DGKB: variants seen among roughly 807,000 people sequenced by gnomAD.
The protein encoded by DGKB is diacylglycerol kinase beta, also known as 90 kDa diacylglycerol kinase.
Under a neutral mutation model 114.3 loss-of-function variants are expected in DGKB, and 67 were observed. The ratio of observed to expected loss-of-function variants is 0.59; its 90% CI spans 0.48 to 0.72. DGKB has a LOEUF of 0.72. DGKB is among the 30% of genes least tolerant of loss of function. The pLI is 0.00. For missense variants in DGKB, 907 were observed against 975.2 expected (o/e 0.93, Z 0.93); for synonymous variants, 398 against 323.1 (o/e 1.23, Z -2.49).
In DGKB at chr7:14,356,352, CTTTTTTTTT is replaced by C. The variant is rs997102742; in HGVS notation, c.1836-10970_1836-10962del. ...TTTGTTTGCTCTTGCTTCTCTAGTT[CTTTTTTTTT>C]TTTTTTTTTTTTTTTTTTGAGACGG... On this transcript the variant is annotated intron_variant, in intron 21 of 25. Coordinates refer to ENST00000402815, the MANE Select transcript of DGKB (RefSeq NM_001350709.2). 1.3e-4 allele frequency among the ~76,000 whole-genome samples: 10 copies of C among 77,220 alleles called. No homozygotes were observed. In the South Asian group the frequency reaches 3.1e-3, roughly 24 times the overall value. 50.7% of individuals were successfully genotyped at this position (77,220 alleles called of 152,430 possible).
At chr7:14,271,060 G>A (rs941838429) in intron 23 of DGKB, among the ~76,000 whole-genome samples, 1 of 152,178 alleles carries the variant, frequency 6.6e-6, no homozygotes, top group South Asian at 2.1e-4. Flanking sequence ...GGAGAACAGA[G>A]TTCTACAGAA....
intron 17 of DGKB, among the ~76,000 whole-genome samples, chr7:14,601,427 C>T (rs1034493481): frequency 6.6e-6 from 1 of 152,122 alleles, no homozygotes; most frequent in Non-Finnish European, 1.5e-5. Context: ...ATTCTAGATT[C>T]CTTCTAGACA....
chr7:14,245,132 T>C (rs1466477216), intron 23 of DGKB, among the ~76,000 whole-genome samples: 1 of 151,822 alleles, frequency 6.6e-6, no homozygotes, highest in African/African-American at 2.4e-5. Context: ...GCCTCCAGAT[T>C]TACTGTATAT....
intron 25 of DGKB, among the ~76,000 whole-genome samples, chr7:14,160,513 A>G (rs1051367277): frequency 1.3e-5 from 2 of 152,178 alleles, no homozygotes; most frequent in Admixed American, 6.6e-5. Context: ...CCTATTGGCA[A>G]TTGCTACAAA....
At chr7:14,330,963 A>G (rs552870017) in intron 23 of DGKB, among the ~76,000 whole-genome samples, 2 of 151,988 alleles carry the variant, frequency 1.3e-5, no homozygotes, top group African/African-American at 2.4e-5. Flanking sequence ...CTAACTTTTT[A>G]TTACTTTTTA....
chr7:14,972,546 T>C lies in DGKB; in HGVS notation c.-188+2150A>G, dbSNP rs370212031. On this transcript the variant is annotated intron_variant, in intron 1 of 4. Transcript: ENST00000437998. ...AAATTTAAAACATTAGATGAAGGAGTAATCATCACATTGAAGTGATGAATT... is the reference window on the plus strand; with the variant it reads ...AAATTTAAAACATTAGATGAAGGAGCAATCATCACATTGAAGTGATGAATT... 3.0e-4 allele frequency among the ~76,000 whole-genome samples: 46 copies of C among 152,058 alleles called. No homozygotes were observed. In the South Asian group the frequency reaches 7.5e-3, roughly 25 times the overall value.
intron 21 of DGKB, among the ~76,000 whole-genome samples, chr7:14,410,917 C>T (rs903913274): frequency 3.3e-5 from 5 of 152,068 alleles, no homozygotes; most frequent in African/African-American, 4.8e-5. Flanking sequence ...AACCTATGCT[C>T]GTTTGACTTA....
chr7:14,377,470 A>T (rs1373829468), intron 21 of DGKB, among the ~76,000 whole-genome samples: 1 of 152,150 alleles, frequency 6.6e-6, no homozygotes, highest in Non-Finnish European at 1.5e-5. Context: ...TTATGATTTA[A>T]AGTATGGACT....
rs1051223469 is a variant in DGKB, at chr7:14,795,326, A to G, written c.71-37595T>C. On this transcript the variant is annotated intron_variant, in intron 2 of 25. Coordinates refer to ENST00000402815, the MANE Select transcript of DGKB (RefSeq NM_001350709.2). ...TTGATTCTAACAGGTTGGTTGGTTA[A>G]CTGCTGAGATATGGACCAAAAGGTA... Among the ~76,000 whole-genome samples the G allele has an allele frequency of 2.0e-5, 3 of 152,210 alleles. No individual in the cohort carries two copies. The South Asian group carries it at 6.2e-4, about 32-fold the overall frequency.
At chr7:14,440,302 C>T (rs28500753) in intron 21 of DGKB, among the ~76,000 whole-genome samples, 4,051 of 152,206 alleles carry the variant, frequency 0.027, 199 homozygotes, top group African/African-American at 0.092. Context: ...AATTTGCCAA[C>T]ATCCTGCTTT....
chr7:14,370,948 A>C (rs1047907537), intron 21 of DGKB, among the ~76,000 whole-genome samples: 1 of 152,302 alleles, frequency 6.6e-6, no homozygotes, highest in Non-Finnish European at 1.5e-5. Context: ...TAATTTAGTT[A>C]GGACAATGAC....
At position 14,291,473 on chromosome 7, in the gene DGKB, C is replaced by T. The variant is rs530972671; in HGVS notation, c.2122+47042G>A. 2.6e-5 allele frequency among the ~76,000 whole-genome samples: 4 copies of T among 152,258 alleles called. No homozygotes were observed. The East Asian group carries it at 7.7e-4, about 29-fold the overall frequency. The stretch of plus-strand genomic sequence containing the variant: ...TGAAGTAAAATGAGGTCTAAAATAT[C>T]TTCTCAGATTTTGGCTCTTTCCTTG... On this transcript the variant is annotated intron_variant, in intron 23 of 25. Coordinates refer to ENST00000402815, the MANE Select transcript of DGKB (RefSeq NM_001350709.2).
At chr7:14,714,879 C>T (rs1827945462) in intron 6 of DGKB, among the ~76,000 whole-genome samples, 1 of 152,116 alleles carries the variant, frequency 6.6e-6, no homozygotes, top group Non-Finnish European at 1.5e-5. Context: ...AGTCAGCAAG[C>T]AAATTCAAGA....
rs369588680 is a variant in DGKB, at chr7:14,583,124, G to A, written c.1447C>T (p.Arg483Cys). The change falls in exon 18 of 26, where the codon CGT (arginine) becomes TGT (cysteine). Residue 483 changes from arginine (R) to cysteine (C), a missense_variant. Arg to Cys is a radical substitution (Grantham distance 180). Transcript: ENST00000402815. The part of the protein sequence containing the change: ...NGPMPGLNFF[R>C]DVPDFRVLAC... ...AACACTCTGAAGTCAGGAACATCAC[G>A]GAAAAAGTTTAACCTGAAAAATAAG... 6.8e-6 allele frequency: 11 copies of A among 1,609,904 alleles called. No individual in the cohort carries two copies. The highest frequency in any genetic ancestry group is 1.7e-4 in the Middle Eastern group (1 of 6,060).
intron 21 of DGKB, among the ~76,000 whole-genome samples, chr7:14,386,762 C>T (rs1460617140): frequency 1.3e-5 from 2 of 152,048 alleles, no homozygotes; most frequent in African/African-American, 4.8e-5. Context: ...GGAGGCTTGG[C>T]CTCTTCTAAA....
chr7:14,594,707 T>G (rs62445562), intron 17 of DGKB, among the ~76,000 whole-genome samples: 2,945 of 152,202 alleles, frequency 0.019, 46 homozygotes, highest in Non-Finnish European at 0.028. Context: ...ATAATTAGAA[T>G]GAGGTTTTAT....
chr7:14,929,905 G>A (rs1784920531), intron 1 of DGKB, among the ~76,000 whole-genome samples: 1 of 152,120 alleles, frequency 6.6e-6, no homozygotes, highest in African/African-American at 2.4e-5. Context: ...TGTATATGTT[G>A]AGAGATAGGG....
At chr7:14,269,759 T>C (rs1798017113) in intron 23 of DGKB, among the ~76,000 whole-genome samples, 2 of 152,150 alleles carry the variant, frequency 1.3e-5, no homozygotes, top group Admixed American at 6.5e-5. Flanking sequence ...ATCTTCTTTA[T>C]TTTATTTGTT....
intron 21 of DGKB, among the ~76,000 whole-genome samples, chr7:14,383,634 G>A (rs780141797): frequency 6.6e-5 from 10 of 152,264 alleles, no homozygotes; most frequent in African/African-American, 1.2e-4. Flanking sequence ...TACCAGGCCA[G>A]TAGAATGAAG....
Sources: allele counts gnomAD v4.1 joint callset (sites outside exome capture counted in the v4.1 genomes callset), GRCh38; gene constraint gnomAD v4.1.1; transcripts MANE v1.5; gene names NCBI Gene and HGNC (gene_info 2026-07-23, HGNC 2026-07-21).